SHISA5: variants seen among roughly 807,000 people sequenced by gnomAD.
The protein encoded by SHISA5 is shisa family member 5.
Under a neutral mutation model 27.5 loss-of-function variants are expected in SHISA5, and 21 were observed. The observed-to-expected ratio is 0.76, with a 90% CI of 0.54 to 1.10. The LOEUF is 1.10. Among genes scored for constraint, SHISA5 ranks in the 50% least tolerant of loss-of-function variants. SHISA5 has a pLI of 0.00. For missense variants in SHISA5, 314 were observed against 336.3 expected (o/e 0.93, Z 0.52); for synonymous variants, 137 against 142.2 (o/e 0.96, Z 0.26).
intron 1 of SHISA5, among the ~76,000 whole-genome samples, chr3:48,502,141 C>T (rs902798346): frequency 2.6e-5 from 4 of 152,172 alleles, no homozygotes; most frequent in Non-Finnish European, 5.9e-5. Context: ...AAATTACAGG[C>T]ATGAGCCACC....
intron 2 of SHISA5, among the ~76,000 whole-genome samples, chr3:48,497,982 A>G (rs1285389063): frequency 7.2e-5 from 11 of 152,168 alleles, no homozygotes; most frequent in Admixed American, 5.9e-4. Flanking sequence ...AAGCCGGGAG[A>G]CAGTAGAATG....
chr3:48,472,145 C>T lies in SHISA5; in HGVS notation c.315-2302G>A, dbSNP rs146532814. ...GCAGTGAGCTAAGATTGTGCCACTG[C>T]ACTCCAGCCTGAGCAACAGTGGGAG... On this transcript the variant is annotated intron_variant, in intron 3 of 5. Transcript: ENST00000296444. 5.2e-3 allele frequency among the ~76,000 whole-genome samples: 782 copies of T among 151,810 alleles called. 2 individuals carry two copies. The highest frequency in any genetic ancestry group is 8.0e-3 in the Non-Finnish European group (544 of 67,946).
chr3:48,489,830 A>G (rs1255391183), intron 2 of SHISA5, among the ~76,000 whole-genome samples: 1 of 151,410 alleles, frequency 6.6e-6, no homozygotes, highest in Non-Finnish European at 1.5e-5. Flanking sequence ...AGGTCTCACT[A>G]TATTGCCCAG....
At chr3:48,489,138 G>C (rs1025050570) in intron 2 of SHISA5, among the ~76,000 whole-genome samples, 1 of 151,962 alleles carries the variant, frequency 6.6e-6, no homozygotes, top group Non-Finnish European at 1.5e-5. Flanking sequence ...ATTCAGGCCA[G>C]GATGGCTTTG....
Position 48,498,804 on chromosome 3 carries a change from G to A in SHISA5, c.233+2333C>T, listed in dbSNP as rs147513561. On this transcript the variant is annotated intron_variant, in intron 2 of 5. Transcript: ENST00000296444. ...GAAGTAAAAAAAGGATAATGCATACGGGCGCGGTGGCTCACGCCTGTAATC... is the reference window on the plus strand; with the variant it reads ...GAAGTAAAAAAAGGATAATGCATACAGGCGCGGTGGCTCACGCCTGTAATC... Among the ~76,000 whole-genome samples, 8 of 152,006 alleles carry A rather than the reference G, an allele frequency of 5.3e-5. 1 individual carries two copies. The highest frequency in any genetic ancestry group is 4.1e-4 in the South Asian group (2 of 4,820).
chr3:48,474,996 G>T (rs1214530987), intron 3 of SHISA5, among the ~76,000 whole-genome samples: 2 of 152,134 alleles, frequency 1.3e-5, no homozygotes, highest in East Asian at 3.9e-4. Context: ...ACTCTGTTGT[G>T]TGTGAGCATT....
rs2040705914 is a variant in SHISA5 at position 48,473,202 on chromosome 3, CCCGCCCAGCAG to C, written c.315-3370_315-3360del. ...CACCCTCTTAAAGACACAGGATGGCCCCGCCCAGCAGCCGGCTAGCAGCCAAGGAGCCAAGG... is the reference window on the plus strand; with the variant it reads ...CACCCTCTTAAAGACACAGGATGGCCCCGGCTAGCAGCCAAGGAGCCAAGG... On this transcript the variant is annotated intron_variant, in intron 3 of 5. Transcript: ENST00000296444. The surrounding 1 kb of genome is among the most constrained non-coding windows in gnomAD (Gnocchi z 4.3). The C allele has an allele frequency of 7.0e-7, 1 of 1,429,054 alleles. No homozygotes were observed. The highest frequency in any genetic ancestry group is 1.4e-5 in the African/African-American group (1 of 69,574). 88.5% of individuals were successfully genotyped at this position (1,429,054 alleles called of 1,614,324 possible).
chr3:48,485,479 C>A (rs2041173871), intron 2 of SHISA5, among the ~76,000 whole-genome samples: 1 of 144,432 alleles, frequency 6.9e-6, no homozygotes, highest in Non-Finnish European at 1.5e-5. Flanking sequence ...CCACCATGGG[C>A]AACAAGAGCA....
intron 2 of SHISA5, among the ~76,000 whole-genome samples, chr3:48,489,569 G>A (rs1406809182): frequency 2.7e-5 from 4 of 147,810 alleles, no homozygotes; most frequent in Admixed American, 6.8e-5. Flanking sequence ...TGATCCGCCC[G>A]CCTCGGCCTC....
intron 3 of SHISA5, among the ~76,000 whole-genome samples, chr3:48,474,687 C>T (rs541801422): frequency 6.6e-6 from 1 of 152,274 alleles, no homozygotes; most frequent in East Asian, 1.9e-4. Flanking sequence ...CCCACAAAGC[C>T]ATGTGTGGTC....
intron 3 of SHISA5, among the ~76,000 whole-genome samples, chr3:48,475,442 C>T (rs979970563): frequency 6.6e-6 from 1 of 152,116 alleles, no homozygotes; most frequent in Non-Finnish European, 1.5e-5. Flanking sequence ...AACTCGGCGG[C>T]CTCCAAGAAA....
intron 3 of SHISA5, among the ~76,000 whole-genome samples, chr3:48,475,672 A>G (rs2040801360): frequency 6.6e-6 from 1 of 152,152 alleles, no homozygotes; most frequent in Non-Finnish European, 1.5e-5. Flanking sequence ...GTCACAGCAG[A>G]GGGTCAGTGG....
chr3:48,479,352 T>C (rs1261800746), intron 2 of SHISA5, 95 bp from the exon 3 acceptor site: 4 of 1,227,168 alleles, frequency 3.3e-6, no homozygotes, highest in Non-Finnish European at 2.3e-6. Context: ...GCACAGAAGC[T>C]ACTATGAACC....
intron 2 of SHISA5, 79 bp from the exon 3 acceptor site, chr3:48,479,336 A>G: frequency 7.3e-7 from 1 of 1,364,066 alleles, no homozygotes; most frequent in South Asian, 1.3e-5. Flanking sequence ...GGGCACCACA[A>G]AACGTGCACA....
intron 2 of SHISA5, among the ~76,000 whole-genome samples, chr3:48,494,766 T>C (rs1436564120): frequency 6.8e-6 from 1 of 147,530 alleles, no homozygotes; most frequent in Admixed American, 6.6e-5. Context: ...TTCATATCCT[T>C]TGGATATATA....
chr3:48,469,544 CAGT>C lies in SHISA5; in HGVS notation c.457_459del (p.Thr153del). 6.2e-7 allele frequency: 1 copy of C among 1,611,578 alleles called. No homozygotes were observed. ...GGCTGAGGATAAGGGGCATGCACCA[CAGT>C]GGTGGATGTGGTGGTGGTGACAACC... On this transcript the variant is annotated inframe_deletion, in exon 5 of 6. Coordinates refer to ENST00000296444, the MANE Select transcript of SHISA5 (RefSeq NM_016479.6). The surrounding 1 kb of genome is among the most constrained non-coding windows in gnomAD (Gnocchi z 4.6).
At chr3:48,474,501 T>C (rs1265754770) in intron 3 of SHISA5, among the ~76,000 whole-genome samples, 4 of 151,766 alleles carry the variant, frequency 2.6e-5, no homozygotes, top group African/African-American at 9.7e-5. Context: ...CACACCTGGC[T>C]AATTTGTGTA....
Position 48,469,789 on chromosome 3 carries a change from A to G in SHISA5, c.369T>C (p.Thr123=). 6.2e-7 allele frequency: 1 copy of G among 1,614,116 alleles called. No individual in the cohort carries two copies. The highest frequency in any genetic ancestry group is 8.5e-7 in the Non-Finnish European group (1 of 1,179,996). ...AGGAGCAGGTGAAGCAGATGATGAT[A>G]GTGACGACAGACAGCACAAAGATGG... The part of the protein sequence containing the change: ...GLTIFVLSVV[T]IIICFTCSCC... Residue 123 remains threonine, a synonymous_variant, in exon 4 of 6, where the codon ACT becomes ACC. Coordinates refer to ENST00000296444, the MANE Select transcript of SHISA5 (RefSeq NM_016479.6). The surrounding 1 kb of genome is among the most constrained non-coding windows in gnomAD (Gnocchi z 4.6).
chr3:48,493,099 A>T (rs2041477103), intron 2 of SHISA5, among the ~76,000 whole-genome samples: 1 of 139,560 alleles, frequency 7.2e-6, no homozygotes, highest in East Asian at 2.0e-4. Flanking sequence ...AAAACGGCAC[A>T]ATGGGGTATT....
Sources: gnomAD v4.1 joint callset for allele counts (sites outside exome capture counted in the v4.1 genomes callset) on GRCh38, gnomAD v4.1.1 for gene constraint, Gnocchi (gnomAD v3.1) non-coding constraint, MANE v1.5 for transcripts, NCBI Gene and HGNC (gene_info 2026-07-23, HGNC 2026-07-21) for gene names.